The following PTGES3 variants were observed in gnomAD, a reference collection of about 807,000 sequenced individuals.
PTGES3 encodes the protein Hsp90 co-chaperone.
PTGES3 carries 5 observed loss-of-function variants against 29.9 expected under a neutral mutation model. The observed-to-expected ratio is 0.17, with a 90% CI of 0.09 to 0.35. PTGES3 has a LOEUF of 0.35. PTGES3 is among the 10% of genes least tolerant of loss of function. The pLI, the probability that PTGES3 is intolerant of heterozygous loss-of-function variation, is 1.00. For missense variants in PTGES3, 128 were observed against 190.0 expected (o/e 0.67, Z 1.92); for synonymous variants, 49 against 57.8 (o/e 0.85, Z 0.69).
intron 1 of PTGES3, chr12:56,686,723 G>A (rs1056179729): frequency 1.3e-5 from 5 of 394,140 alleles, no homozygotes; most frequent in African/African-American, 1.0e-4. Context: ...TTTCGGGGAG[G>A]GGGCTCCTTC....
At chr12:56,666,751 A>T (rs2926740) in intron 5 of PTGES3, among the ~76,000 whole-genome samples, 106,473 of 151,864 alleles carry the variant, frequency 0.7, 37,480 homozygotes, top group South Asian at 0.79. Flanking sequence ...CTCGGCCTCC[A>T]GGGTAGCTGG....
chr12:56,680,131 G>A (rs1473812886), intron 1 of PTGES3, among the ~76,000 whole-genome samples: 1 of 150,348 alleles, frequency 6.7e-6, no homozygotes, highest in East Asian at 1.9e-4. Context: ...GAGTGCAATG[G>A]CGCGATCACA....
chr12:56,683,255 C>T (rs1384924672), intron 1 of PTGES3, among the ~76,000 whole-genome samples: 1 of 151,436 alleles, frequency 6.6e-6, no homozygotes, highest in African/African-American at 2.4e-5. Flanking sequence ...GAGGCCGAGG[C>T]GGGTGATCAC....
At chr12:56,684,836 A>G (rs2290893) in intron 1 of PTGES3, among the ~76,000 whole-genome samples, 88,484 of 152,016 alleles carry the variant, frequency 0.58, 27,167 homozygotes, top group South Asian at 0.74. Flanking sequence ...ACAAACTTTT[A>G]TAACTTAGGA....
In PTGES3 at chr12:56,688,259, C is replaced by T. The variant is rs540037827; in HGVS notation, c.-260G>A. 1.4e-5 allele frequency: 8 copies of T among 558,540 alleles called. No homozygotes were observed. The East Asian group carries it at 1.8e-4, about 12-fold the overall frequency. 34.6% of individuals were successfully genotyped at this position (558,540 alleles called of 1,614,324 possible). ...GGCGCGAGGACGGAGAATGAACGTG[C>T]GTGCGTGCAAACGAGGGGTGGTGAG... On this transcript the variant is annotated 5_prime_UTR_variant, in exon 1 of 8. Transcript: ENST00000262033.
rs1433020570 is a variant in PTGES3, at chr12:56,688,144, C to G, written c.-145G>C. On this transcript the variant is annotated 5_prime_UTR_variant, in exon 1 of 8. Coordinates refer to ENST00000262033, the MANE Select transcript of PTGES3 (RefSeq NM_006601.7). Reference sequence around the variant, plus strand: ...TCTCGCTTCCCTCAGGCGACGGCGGCAGCGGCGGGCTCGACCTCGGGCCCC... The same window carrying G: ...TCTCGCTTCCCTCAGGCGACGGCGGGAGCGGCGGGCTCGACCTCGGGCCCC... 7.3e-7 allele frequency: 1 copy of G among 1,376,912 alleles called. No homozygotes were observed. The highest frequency in any genetic ancestry group is 1.5e-5 in the African/African-American group (1 of 65,788). 85.3% of individuals were successfully genotyped at this position (1,376,912 alleles called of 1,614,324 possible).
intron 1 of PTGES3, among the ~76,000 whole-genome samples, chr12:56,686,577 A>G (rs373812753): frequency 1.3e-5 from 2 of 151,806 alleles, no homozygotes; most frequent in Admixed American, 6.6e-5. Context: ...CGGTTTCTCC[A>G]TGTTGGTCAG....
In PTGES3 at chr12:56,666,211, G is replaced by C. The variant is rs767637635; in HGVS notation, c.431C>G (p.Ala144Gly). ...EDVDLPEVDG[A>G]DDDSQDSDDE... ...AAGAATTTTTAGACTTACATCATCTGCTCCATCTACTTCTGGTAAATCTAC... is the reference window on the plus strand; with the variant it reads ...AAGAATTTTTAGACTTACATCATCTCCTCCATCTACTTCTGGTAAATCTAC... Residue 144 changes from alanine to glycine, a missense_variant, in exon 6 of 8, where the codon GCA becomes GGA. By Grantham distance (60) the Ala-to-Gly change is moderately conservative. Coordinates refer to ENST00000262033, the MANE Select transcript of PTGES3 (RefSeq NM_006601.7). 1 of 1,609,414 alleles carries C rather than the reference G, an allele frequency of 6.2e-7. No individual in the cohort carries two copies. The highest frequency in any genetic ancestry group is 8.5e-7 in the Non-Finnish European group (1 of 1,177,478).
intron 1 of PTGES3, among the ~76,000 whole-genome samples, chr12:56,682,676 A>G (rs1454159174): frequency 7.0e-6 from 1 of 142,290 alleles, no homozygotes; most frequent in Non-Finnish European, 1.5e-5. Flanking sequence ...CCAGGAGTTC[A>G]AGACCAACCT....
At chr12:56,686,017 C>T (rs1256334436) in intron 1 of PTGES3, among the ~76,000 whole-genome samples, 1 of 151,978 alleles carries the variant, frequency 6.6e-6, no homozygotes, top group Non-Finnish European at 1.5e-5. Context: ...CCTCGTGTTC[C>T]GCCTGCCTCG....
chr12:56,680,321 C>T (rs1056878795), intron 1 of PTGES3, among the ~76,000 whole-genome samples: 2 of 151,838 alleles, frequency 1.3e-5, no homozygotes, highest in Admixed American at 6.6e-5. Context: ...GTGATCTGCC[C>T]ACCTCAGTCC....
chr12:56,686,399 T>G (rs4759028), intron 1 of PTGES3, among the ~76,000 whole-genome samples: 106,010 of 151,424 alleles, frequency 0.7, 37,248 homozygotes, highest in South Asian at 0.79. Flanking sequence ...TTGAGACGGG[T>G]TTTCACTCTT....
chr12:56,675,677 T>C (rs935733180), intron 1 of PTGES3, among the ~76,000 whole-genome samples: 2 of 151,984 alleles, frequency 1.3e-5, no homozygotes, highest in South Asian at 2.1e-4. Flanking sequence ...CTCCAGCACT[T>C]TGGGAGGCTG....
Position 56,688,104 on chromosome 12 carries a change from C to T in PTGES3, c.-105G>A. The T allele has an allele frequency of 1.4e-6, 2 of 1,427,790 alleles. No individual in the cohort carries two copies. Among genetic ancestry groups the T allele is most frequent in the Middle Eastern group, 2.7e-4 (1 of 3,762 alleles). 88.4% of individuals were successfully genotyped at this position (1,427,790 alleles called of 1,614,324 possible). On this transcript the variant is annotated 5_prime_UTR_variant, in exon 1 of 8. Transcript: ENST00000262033. ...CCGGTGGCGACTCCGCTTTTTCTCT[C>T]CGGTCGCGGCCTCTTCTCGCTTCCC...
chr12:56,671,719 A>C lies in PTGES3; in HGVS notation c.285+30T>G. 2.2e-6 allele frequency: 3 copies of C among 1,380,632 alleles called. No homozygotes were observed. In the South Asian group the frequency reaches 4.2e-5, roughly 19 times the overall value. The allele number at this position is 1,380,632 out of a possible 1,614,324, so 85.5% of individuals were successfully genotyped here. On this transcript the variant is annotated intron_variant, in intron 4 of 7. Transcript: ENST00000262033. ...TTTATTACCTAAAATAAAAATATCAAACTTTTCAAAAAAGGAAAATGAAAC... is the reference window on the plus strand; with the variant it reads ...TTTATTACCTAAAATAAAAATATCACACTTTTCAAAAAAGGAAAATGAAAC...
At chr12:56,687,263 T>C (rs1565882097) in intron 1 of PTGES3, 1 of 1,003,872 alleles carries the variant, frequency 1.0e-6, no homozygotes, top group Non-Finnish European at 1.2e-6. Context: ...AAGTAGAACA[T>C]GAAACACAGA....
chr12:56,670,546 C>T (rs540813303), intron 4 of PTGES3, 182 bp from the exon 5 acceptor site: 4 of 558,428 alleles, frequency 7.2e-6, no homozygotes, highest in East Asian at 3.0e-5. Flanking sequence ...TGACCAGCTC[C>T]GTTTCTGACC....
At position 56,663,359 on chromosome 12, in the gene PTGES3, C is replaced by G. The variant is rs1422590630; in HGVS notation, c.*1120G>C. ...GCAGAAGTTCAAAGATTTAGGAGGA[C>G]AACACATTTAGTTTTATTTCAATCA... On this transcript the variant is annotated 3_prime_UTR_variant, in exon 8 of 8. Coordinates refer to ENST00000262033, the MANE Select transcript of PTGES3 (RefSeq NM_006601.7). 1 of 152,186 alleles carries G rather than the reference C, an allele frequency of 6.6e-6. No individual in the cohort carries two copies. The highest frequency in any genetic ancestry group is 1.5e-5 in the Non-Finnish European group (1 of 68,030). The allele number at this position is 152,186 out of a possible 1,614,324, so 9.4% of individuals were successfully genotyped here. A position where few individuals can be genotyped will look rare whatever the true frequency, so the allele number is the denominator to read the frequency against.
At chr12:56,672,590 A>G in intron 3 of PTGES3, 150 bp downstream of exon 3, 2 of 1,033,616 alleles carry the variant, frequency 1.9e-6, no homozygotes, top group South Asian at 2.7e-5. Context: ...GCAGAAACCA[A>G]TTTTGGAGGA....
Sources: gnomAD v4.1 joint callset for allele counts (sites outside exome capture counted in the v4.1 genomes callset) on GRCh38, gnomAD v4.1.1 for gene constraint, MANE v1.5 for transcripts, NCBI Gene and HGNC (gene_info 2026-07-23, HGNC 2026-07-21) for gene names.